The following PCDHB8 variants were observed in gnomAD, a reference collection of about 807,000 sequenced individuals.
The protein encoded by PCDHB8 is protocadherin beta 8, also known as protocadherin beta-8.
For missense variants in PCDHB8, 836 were observed against 1,004.0 expected (o/e 0.83, Z 2.26); for synonymous variants, 385 against 448.5 (o/e 0.86, Z 1.79).
rs782239479 is a variant in PCDHB8 at position 141,178,812 on chromosome 5, T to C, written c.778T>C (p.Phe260Leu). ...VQISEDSPIS[F>L]LVVKVSATDV... The stretch of plus-strand genomic sequence containing the variant: ...GATCTCTGAGGACAGTCCAATAAGC[T>C]TCCTGGTTGTGAAGGTCTCTGCCAC... The change falls in exon 1 of 1, where the codon TTC becomes CTC. Residue 260 changes from phenylalanine (F) to leucine (L), a missense_variant. Physicochemically the swap from Phe to Leu is conservative, Grantham distance 22. Transcript: ENST00000239444. 22 of 1,613,868 alleles carry C rather than the reference T, an allele frequency of 1.4e-5. No homozygotes were observed. The East Asian group carries it at 2.9e-4, about 21-fold the overall frequency.
chr5:141,180,283 A>G lies in PCDHB8; in HGVS notation c.2249A>G (p.Tyr750Cys), dbSNP rs1753527739. ...VRGTGSLSQN[Y>C]QYEVCLAGGS... is the part of the protein sequence containing the mutation. The stretch of plus-strand genomic sequence containing the variant: ...GGCACCGGGAGCCTGTCTCAGAACT[A>G]TCAGTACGAGGTGTGCCTGGCAGGA... Residue 750 changes from tyrosine to cysteine, a missense_variant, in exon 1 of 1, where the codon TAT (tyrosine) becomes TGT (cysteine). Tyr to Cys is a radical substitution (Grantham distance 194). Transcript: ENST00000239444. 6 of 1,613,944 alleles carry G rather than the reference A, an allele frequency of 3.7e-6. No individual in the cohort carries two copies. Among genetic ancestry groups the G allele is most frequent in the African/African-American group, 1.3e-5 (1 of 75,018 alleles).
At position 141,180,142 on chromosome 5, in the gene PCDHB8, T is replaced by C; in HGVS notation, c.2108T>C (p.Leu703Pro). The C allele has an allele frequency of 6.2e-7, 1 of 1,611,542 alleles. No individual in the cohort carries two copies. The highest frequency in any genetic ancestry group is 2.2e-5 in the East Asian group (1 of 44,856). ...VALASVSSLF[L>P]FSVLLFVAVL... Reference sequence around the variant, plus strand: ...TTGGCCTCGGTGTCTTCGCTCTTCCTCTTCTCGGTGCTCCTGTTCGTGGCG... The same window carrying C: ...TTGGCCTCGGTGTCTTCGCTCTTCCCCTTCTCGGTGCTCCTGTTCGTGGCG... Residue 703 changes from leucine to proline, a missense_variant, in exon 1 of 1, where the codon CTC (leucine) becomes CCC (proline). Transcript: ENST00000239444.
Position 141,179,921 on chromosome 5 carries a change from G to C in PCDHB8, c.1887G>C (p.Arg629Ser). The C allele has an allele frequency of 1.2e-6, 2 of 1,609,054 alleles. No individual in the cohort carries two copies. The highest frequency in any genetic ancestry group is 8.5e-7 in the Non-Finnish European group (1 of 1,179,550). Residue 629 changes from arginine to serine, a missense_variant, in exon 1 of 1, where the codon AGG becomes AGC. Physicochemically the swap from Arg to Ser is moderately radical, Grantham distance 110 (BLOSUM62 -1). Transcript: ENST00000239444. ...WAHNGEVRTA[R>S]LLSERDAAKQ... is the part of the protein sequence containing the mutation. The stretch of plus-strand genomic sequence containing the variant: ...ACAATGGCGAGGTGCGCACCGCCAG[G>C]CTGCTGAGCGAGCGCGACGCGGCCA...
In PCDHB8 at chr5:141,178,959, G is replaced by C; in HGVS notation, c.925G>C (p.Asp309His). ...AGAAATTCGACTAAAGAAACAACTT[G>C]ATTTCGAAAAATTTCAGTCCTATGA... The part of the protein sequence containing the change: ...TGEIRLKKQL[D>H]FEKFQSYEVN... The change falls in exon 1 of 1, where the codon GAT (aspartate) becomes CAT (histidine). Residue 309 changes from aspartate to histidine, a missense_variant. Physicochemically the swap from Asp to His is moderately conservative, Grantham distance 81 (BLOSUM62 -1). Transcript: ENST00000239444. 6.2e-7 allele frequency: 1 copy of C among 1,614,202 alleles called. No homozygotes were observed. The highest frequency in any genetic ancestry group is 8.5e-7 in the Non-Finnish European group (1 of 1,180,036).
rs144331943 is a variant in PCDHB8, at chr5:141,179,392, C to A, written c.1358C>A (p.Thr453Asn). The change falls in exon 1 of 1, where the codon ACC becomes AAC. Residue 453 changes from threonine to asparagine, a missense_variant. Coordinates refer to ENST00000239444, the MANE Select transcript of PCDHB8 (RefSeq NM_019120.5). Reference protein sequence around the residue: ...SDVNDNAPAFTQTSYTLFVRE... With the variant: ...SDVNDNAPAFNQTSYTLFVRE... ...GTCAATGACAACGCCCCCGCCTTCACCCAAACCTCCTACACCCTGTTCGTC... is the reference window on the plus strand; with the variant it reads ...GTCAATGACAACGCCCCCGCCTTCAACCAAACCTCCTACACCCTGTTCGTC... The A allele has an allele frequency of 5.8e-5, 94 of 1,614,204 alleles. No homozygotes were observed. In the African/African-American group the frequency reaches 1.1e-3, roughly 20 times the overall value.
chr5:141,180,092 T>C lies in PCDHB8; in HGVS notation c.2058T>C (p.Ser686=), dbSNP rs782585940. ...CCCCAGCCCAGGGCCAGGCCGACTC[T>C]CTCACCGTCTACCTGGTGGTGGCGT... The part of the protein sequence containing the change: ...EAAPAQGQAD[S]LTVYLVVALA... The change falls in exon 1 of 1, where the codon TCT becomes TCC. Residue 686 remains serine (S), a synonymous_variant. Coordinates refer to ENST00000239444, the MANE Select transcript of PCDHB8 (RefSeq NM_019120.5). 1 of 1,610,260 alleles carries C rather than the reference T, an allele frequency of 6.2e-7. No individual in the cohort carries two copies. Among genetic ancestry groups the C allele is most frequent in the Non-Finnish European group, 8.5e-7 (1 of 1,179,778 alleles).
rs1554281065 is a variant in PCDHB8 at position 141,178,987 on chromosome 5, T to G, written c.953T>G (p.Val318Gly). 1 of 1,614,092 alleles carries G rather than the reference T, an allele frequency of 6.2e-7. No homozygotes were observed. Among genetic ancestry groups the G allele is most frequent in the Non-Finnish European group, 8.5e-7 (1 of 1,180,050 alleles). The change falls in exon 1 of 1, where the codon GTC (valine) becomes GGC (glycine). Residue 318 changes from valine (V) to glycine (G), a missense_variant. Transcript: ENST00000239444. The part of the protein sequence containing the change: ...LDFEKFQSYE[V>G]NIEARDAGGF... Reference sequence around the variant, plus strand: ...TTCGAAAAATTTCAGTCCTATGAAGTCAATATCGAGGCGAGAGATGCTGGA... The same window carrying G: ...TTCGAAAAATTTCAGTCCTATGAAGGCAATATCGAGGCGAGAGATGCTGGA...
chr5:141,180,394 A>G lies in PCDHB8; in HGVS notation c.2360A>G (p.Asn787Ser). The G allele has an allele frequency of 6.3e-7, 1 of 1,598,278 alleles. No individual in the cohort carries two copies. The highest frequency in any genetic ancestry group is 2.3e-5 in the East Asian group (1 of 44,362). Residue 787 changes from asparagine (N) to serine (S), a missense_variant, in exon 1 of 1, where the codon AAC becomes AGC. Asn to Ser is a conservative substitution (Grantham distance 46). Coordinates refer to ENST00000239444, the MANE Select transcript of PCDHB8 (RefSeq NM_019120.5). ...GHSFGPEMEQ[N>S]SNFRNGFGFS... is the part of the protein sequence containing the mutation. The stretch of plus-strand genomic sequence containing the variant: ...TCTTTTGGGCCAGAAATGGAACAAA[A>G]CTCTAACTTTAGGAATGGCTTTGGT...
chr5:141,180,370 C>A lies in PCDHB8; in HGVS notation c.2336C>A (p.Ser779Tyr). Reference protein sequence around the residue: ...KPVLPNIQGHSFGPEMEQNSN... With the variant: ...KPVLPNIQGHYFGPEMEQNSN... The stretch of plus-strand genomic sequence containing the variant: ...GTATTACCTAATATTCAGGGCCATT[C>A]TTTTGGGCCAGAAATGGAACAAAAC... Residue 779 changes from serine (S) to tyrosine (Y), a missense_variant, in exon 1 of 1, where the codon TCT becomes TAT. Transcript: ENST00000239444. 1 of 1,613,114 alleles carries A rather than the reference C, an allele frequency of 6.2e-7. No homozygotes were observed. Among genetic ancestry groups the A allele is most frequent in the Non-Finnish European group, 8.5e-7 (1 of 1,179,188 alleles).
rs557121469 is a variant in PCDHB8 at position 141,180,319 on chromosome 5, C to G, written c.2285C>G (p.Thr762Arg). 5.6e-6 allele frequency: 9 copies of G among 1,613,972 alleles called. No homozygotes were observed. The highest frequency in any genetic ancestry group is 1.7e-4 in the Middle Eastern group (1 of 6,038). ...GTGTGCCTGGCAGGAGGCTCAGGGACGAATGAGTTCCAGCTCCTGAAACCA... is the reference window on the plus strand; with the variant it reads ...GTGTGCCTGGCAGGAGGCTCAGGGAGGAATGAGTTCCAGCTCCTGAAACCA... ...YEVCLAGGSGTNEFQLLKPVL... is the reference protein window; with the variant it reads ...YEVCLAGGSGRNEFQLLKPVL... Residue 762 changes from threonine to arginine, a missense_variant, in exon 1 of 1, where the codon ACG (threonine) becomes AGG (arginine). By Grantham distance (71) the Thr-to-Arg change is moderately conservative. Transcript: ENST00000239444.
rs1554281557 is a variant in PCDHB8, at chr5:141,180,093, C to G, written c.2059C>G (p.Leu687Val). 3.7e-6 allele frequency: 6 copies of G among 1,610,426 alleles called. No individual in the cohort carries two copies. Among genetic ancestry groups the G allele is most frequent in the East Asian group, 2.2e-5 (1 of 44,884 alleles). The change falls in exon 1 of 1, where the codon CTC (leucine) becomes GTC (valine). Residue 687 changes from leucine (L) to valine (V), a missense_variant. Transcript: ENST00000239444. ...AAPAQGQADSLTVYLVVALAS... is the reference protein window; with the variant it reads ...AAPAQGQADSVTVYLVVALAS... The stretch of plus-strand genomic sequence containing the variant: ...CCCAGCCCAGGGCCAGGCCGACTCT[C>G]TCACCGTCTACCTGGTGGTGGCGTT...
chr5:141,179,636 T>G lies in PCDHB8; in HGVS notation c.1602T>G (p.Ala534=). The change falls in exon 1 of 1, where the codon GCT becomes GCG. Residue 534 remains alanine (A), a synonymous_variant. Coordinates refer to ENST00000239444, the MANE Select transcript of PCDHB8 (RefSeq NM_019120.5). Reference sequence around the variant, plus strand: ...AGGCGTTCGAGTTCCGGGTGGGCGCTTCAGACCGCGGCTCCCCGGCTTTGA... The same window carrying G: ...AGGCGTTCGAGTTCCGGGTGGGCGCGTCAGACCGCGGCTCCCCGGCTTTGA... ...ALQAFEFRVG[A]SDRGSPALSS... The G allele has an allele frequency of 1.2e-6, 2 of 1,603,988 alleles. No homozygotes were observed. The highest frequency in any genetic ancestry group is 1.1e-5 in the South Asian group (1 of 90,508).
rs782623210 is a variant in PCDHB8, at chr5:141,179,973, G to A, written c.1939G>A (p.Asp647Asn). 14 of 1,608,552 alleles carry A rather than the reference G, an allele frequency of 8.7e-6. No homozygotes were observed. In the Admixed American group the frequency reaches 2.2e-4, roughly 25 times the overall value. ...GCAGAGGCTGGTGGTGCTGGTCAAG[G>A]ACAATGGCGAGCCTCCGTGCTCGGC... The part of the protein sequence containing the change: ...AKQRLVVLVK[D>N]NGEPPCSATA... The change falls in exon 1 of 1, where the codon GAC becomes AAC. Residue 647 changes from aspartate to asparagine, a missense_variant. By Grantham distance (23) the Asp-to-Asn change is conservative. Coordinates refer to ENST00000239444, the MANE Select transcript of PCDHB8 (RefSeq NM_019120.5).
chr5:141,178,726 T>C lies in PCDHB8; in HGVS notation c.692T>C (p.Ile231Thr), dbSNP rs374004216. The C allele has an allele frequency of 3.2e-6, 5 of 1,560,224 alleles. 1 individual carries two copies. Among genetic ancestry groups the C allele is most frequent in the Non-Finnish European group, 4.4e-6 (5 of 1,139,828 alleles). The change falls in exon 1 of 1, where the codon ATT becomes ACT. Residue 231 changes from isoleucine to threonine, a missense_variant. Ile to Thr is a moderately conservative substitution (Grantham distance 89). Coordinates refer to ENST00000239444, the MANE Select transcript of PCDHB8 (RefSeq NM_019120.5). ...PPRSGTAQVYIEVVDVNDNAP... is the reference protein window; with the variant it reads ...PPRSGTAQVYTEVVDVNDNAP... ...AGATCTGGCACTGCTCAGGTCTACA[T>C]TGAAGTTGTCGATGTCAATGATAAT...
In PCDHB8 at chr5:141,179,921, G is replaced by A; in HGVS notation, c.1887G>A (p.Arg629=). ...ACAATGGCGAGGTGCGCACCGCCAGGCTGCTGAGCGAGCGCGACGCGGCCA... is the reference window on the plus strand; with the variant it reads ...ACAATGGCGAGGTGCGCACCGCCAGACTGCTGAGCGAGCGCGACGCGGCCA... ...WAHNGEVRTA[R]LLSERDAAKQ... Residue 629 remains arginine (R), a synonymous_variant, in exon 1 of 1, where the codon AGG becomes AGA. Transcript: ENST00000239444. 1.2e-6 allele frequency: 2 copies of A among 1,609,054 alleles called. No individual in the cohort carries two copies. The highest frequency in any genetic ancestry group is 1.7e-6 in the Non-Finnish European group (2 of 1,179,550).
Position 141,180,529 on chromosome 5 carries a change from A to C in PCDHB8, c.*89A>C, listed in dbSNP as rs200747896. 1.0e-6 allele frequency: 1 copy of C among 993,826 alleles called. No individual in the cohort carries two copies. Among genetic ancestry groups the C allele is most frequent in the East Asian group, 2.7e-5 (1 of 36,896 alleles). 61.6% of individuals were successfully genotyped at this position (993,826 alleles called of 1,614,324 possible). ...TAGCATAAATTTTAAATTACACTAC[A>C]TTTGCCCATAGTATTTGTCTTGTTT... On this transcript the variant is annotated 3_prime_UTR_variant, in exon 1 of 1. Coordinates refer to ENST00000239444, the MANE Select transcript of PCDHB8 (RefSeq NM_019120.5).
rs782699737 is a variant in PCDHB8, at chr5:141,179,190, A to C, written c.1156A>C (p.Ile386Leu). ...SGENGKISCS[I>L]QEDLPFLLKS... is the part of the protein sequence containing the mutation. ...AGAAAATGGGAAAATAAGTTGCTCC[A>C]TTCAGGAGGATCTACCCTTCCTCCT... The change falls in exon 1 of 1, where the codon ATT becomes CTT. Residue 386 changes from isoleucine to leucine, a missense_variant. Coordinates refer to ENST00000239444, the MANE Select transcript of PCDHB8 (RefSeq NM_019120.5). 6.2e-7 allele frequency: 1 copy of C among 1,614,208 alleles called. No individual in the cohort carries two copies. Among genetic ancestry groups the C allele is most frequent in the South Asian group, 1.1e-5 (1 of 91,086 alleles).
At position 141,178,592 on chromosome 5, in the gene PCDHB8, C is replaced by T. The variant is rs147858574; in HGVS notation, c.558C>T (p.Arg186=). 1.8e-3 allele frequency: 2,897 copies of T among 1,612,380 alleles called. No individual in the cohort carries two copies. The highest frequency in any genetic ancestry group is 2.2e-3 in the Non-Finnish European group (2,646 of 1,178,456). ...NSYFRVLTRK[R]SDGRKYPELV... ...ATTTTCGGGTCCTCACCCGCAAACG[C>T]AGTGATGGCAGGAAATACCCAGAGC... is the stretch of plus-strand genomic sequence containing the variant. The change falls in exon 1 of 1, where the codon CGC becomes CGT. Residue 186 remains arginine, a synonymous_variant. Transcript: ENST00000239444.
chr5:141,179,468 C>G lies in PCDHB8; in HGVS notation c.1434C>G (p.Asp478Glu). The part of the protein sequence containing the change: ...ALHIGSVSAT[D>E]RDSGTNAQVT... ...ACATCGGCAGCGTCAGCGCCACAGA[C>G]AGAGACTCGGGCACCAACGCCCAGG... The change falls in exon 1 of 1, where the codon GAC (aspartate) becomes GAG (glutamate). Residue 478 changes from aspartate (D) to glutamate (E), a missense_variant. Asp to Glu is a conservative substitution (Grantham distance 45, BLOSUM62 2). Transcript: ENST00000239444. 1.9e-6 allele frequency: 3 copies of G among 1,613,866 alleles called. No homozygotes were observed. Among genetic ancestry groups the G allele is most frequent in the African/African-American group, 2.7e-5 (2 of 75,074 alleles).
Sources: allele counts gnomAD v4.1 joint callset, GRCh38; gene constraint gnomAD v4.1.1; transcripts MANE v1.5; gene names NCBI Gene and HGNC (gene_info 2026-07-23, HGNC 2026-07-21).